Variants in DESI1 observed in about 807,000 individuals in gnomAD.
The protein encoded by DESI1 is PPPDE peptidase domain containing 2.
A neutral mutation model predicts 22.4 loss-of-function variants in DESI1; 17 were observed. That is an observed-to-expected ratio of 0.76 (90% CI 0.52 to 1.14). DESI1 has a LOEUF of 1.14. Among genes scored for constraint, DESI1 ranks in the 50% most tolerant of loss-of-function variants. The pLI is 0.00. For missense variants in DESI1, 177 were observed against 208.9 expected, an observed-to-expected ratio of 0.85 and a Z score of 0.94; for synonymous variants, 92 against 84.2, an observed-to-expected ratio of 1.09 and a Z score of -0.51.
chr22:41,604,211 T>C (rs1270644193), intron 3 of DESI1, 58 bp from the exon 4 acceptor site: 8 of 1,478,884 alleles, frequency 5.4e-6, no homozygotes, highest in Non-Finnish European at 7.5e-6. Flanking sequence ...AATGTTTTAA[T>C]GTGGCTTCCC....
At chr22:41,615,051 C>A (rs2067542092) in intron 1 of DESI1, among the ~76,000 whole-genome samples, 1 of 151,688 alleles carries the variant, frequency 6.6e-6, no homozygotes, top group Non-Finnish European at 1.5e-5. Flanking sequence ...GTAATCCCAG[C>A]ACTTTTGGAG....
chr22:41,613,686 C>G (rs1158850460), intron 1 of DESI1, among the ~76,000 whole-genome samples: 1 of 152,234 alleles, frequency 6.6e-6, no homozygotes, highest in Non-Finnish European at 1.5e-5. Context: ...TGCAATGACT[C>G]TGCCACCCTG....
Position 41,607,256 on chromosome 22 carries a change from A to G in DESI1, c.180+6T>C. 1 of 1,607,320 alleles carries G rather than the reference A, an allele frequency of 6.2e-7. No individual in the cohort carries two copies. On this transcript the variant is annotated splice_donor_region_variant and intron_variant, in intron 3 of 5. Transcript: ENST00000263256. Reference sequence around the variant, plus strand: ...TGCAGGACAGAGTGTAGGGGAAGACACTCACCGGGGGGCAGCTGGAGATAC... The same window carrying G: ...TGCAGGACAGAGTGTAGGGGAAGACGCTCACCGGGGGGCAGCTGGAGATAC...
At chr22:41,610,222 T>C (rs2067508708) in intron 1 of DESI1, among the ~76,000 whole-genome samples, 1 of 148,666 alleles carries the variant, frequency 6.7e-6, no homozygotes, top group Non-Finnish European at 1.5e-5. Flanking sequence ...CTACTAAAAA[T>C]ACAAAAATTA....
chr22:41,600,874 C>A lies in DESI1; in HGVS notation c.*223G>T, dbSNP rs954286713. On this transcript the variant is annotated 3_prime_UTR_variant, in exon 6 of 6. Transcript: ENST00000263256. ...CGAAGTGAACGCACAGACAAGACAGCCTTAATAAATTAGTATAATACTATT... is the reference window on the plus strand; with the variant it reads ...CGAAGTGAACGCACAGACAAGACAGACTTAATAAATTAGTATAATACTATT... 4.3e-5 allele frequency: 22 copies of A among 515,286 alleles called. No homozygotes were observed. Among genetic ancestry groups the A allele is most frequent in the African/African-American group, 3.9e-4 (20 of 51,278 alleles). The allele number at this position is 515,286 out of a possible 1,614,324, so 31.9% of individuals were successfully genotyped here. A position where few individuals can be genotyped will look rare whatever the true frequency, so the allele number is the denominator to read the frequency against.
chr22:41,603,256 T>G lies in DESI1; in HGVS notation c.413+3A>C. On this transcript the variant is annotated splice_donor_region_variant and intron_variant, in intron 5 of 5. Coordinates refer to ENST00000263256, the MANE Select transcript of DESI1 (RefSeq NM_015704.3). ...CAGGGGCAGGGACAGAGGCCACACT[T>G]ACGTGGAGAGAACTTCAGAGGGCAG... 6.2e-7 allele frequency: 1 copy of G among 1,614,118 alleles called. No homozygotes were observed. The highest frequency in any genetic ancestry group is 8.5e-7 in the Non-Finnish European group (1 of 1,179,984).
rs756720545 is a variant in DESI1, at chr22:41,601,080, G to A, written c.*17C>T. On this transcript the variant is annotated 3_prime_UTR_variant, in exon 6 of 6. Coordinates refer to ENST00000263256, the MANE Select transcript of DESI1 (RefSeq NM_015704.3). ...AGGAAAAGCCCTGGTGAGGCAGGGCGGTCCCAGGCAGTCCTGTTAGCTCTG... is the reference window on the plus strand; with the variant it reads ...AGGAAAAGCCCTGGTGAGGCAGGGCAGTCCCAGGCAGTCCTGTTAGCTCTG... 12 of 1,605,378 alleles carry A rather than the reference G, an allele frequency of 7.5e-6. No homozygotes were observed. Among genetic ancestry groups the A allele is most frequent in the Admixed American group, 5.0e-5 (3 of 59,706 alleles).
rs775564289 is a variant in DESI1 at position 41,620,802 on chromosome 22, A to C, written c.38T>G (p.Val13Gly). The C allele has an allele frequency of 1.2e-6, 2 of 1,612,630 alleles. No individual in the cohort carries two copies. Among genetic ancestry groups the C allele is most frequent in the East Asian group, 4.5e-5 (2 of 44,820 alleles). ...PPNLYPVKLY[V>G]YDLSKGLARR... is the part of the protein sequence containing the mutation. ...GGCCAGGCCTTTGGACAGGTCGTAC[A>C]CGTAGAGCTTCACCGGATAGAGATT... Residue 13 changes from valine (V) to glycine (G), a missense_variant, in exon 1 of 6, where the codon GTG becomes GGG. By Grantham distance (109) the Val-to-Gly change is moderately radical (BLOSUM62 -3). Transcript: ENST00000263256.
intron 4 of DESI1, 44 bp from the exon 5 acceptor site, chr22:41,603,425 A>G (rs1293014465): frequency 5.0e-6 from 8 of 1,613,330 alleles, no homozygotes; most frequent in African/African-American, 2.7e-5. Flanking sequence ...GAAACCAGCA[A>G]GCGTCTATGT....
rs373295326 is a variant in DESI1, at chr22:41,604,031, T to C, written c.290+13A>G. Reference sequence around the variant, plus strand: ...GACAGACACAACTAACCACCACCCCTGTCTCCACTCACCGGAACAGGGACT... The same window carrying C: ...GACAGACACAACTAACCACCACCCCCGTCTCCACTCACCGGAACAGGGACT... On this transcript the variant is annotated intron_variant, in intron 4 of 5. Coordinates refer to ENST00000263256, the MANE Select transcript of DESI1 (RefSeq NM_015704.3). 1 of 1,610,398 alleles carries C rather than the reference T, an allele frequency of 6.2e-7. No individual in the cohort carries two copies. Among genetic ancestry groups the C allele is most frequent in the Non-Finnish European group, 8.5e-7 (1 of 1,177,942 alleles).
At chr22:41,615,069 C>T (rs1478708817) in intron 1 of DESI1, among the ~76,000 whole-genome samples, 5 of 151,068 alleles carry the variant, frequency 3.3e-5, no homozygotes, top group African/African-American at 4.9e-5. Flanking sequence ...GAGGCTGAGG[C>T]GGGCGGATCA....
intron 1 of DESI1, among the ~76,000 whole-genome samples, chr22:41,615,272 TAAAA>T (rs58574960): frequency 9.2e-5 from 10 of 108,518 alleles, no homozygotes; most frequent in South Asian, 3.0e-4. Flanking sequence ...TACTAAAAAT[TAAAA>T]AAAAAAAAAA....
chr22:41,603,197 G>T, intron 5 of DESI1, 62 bp downstream of exon 5: 2 of 1,611,016 alleles, frequency 1.2e-6, no homozygotes, highest in South Asian at 2.2e-5. Flanking sequence ...GAAGGGCACT[G>T]ACCGTGAATG....
At chr22:41,604,299 G>T in intron 3 of DESI1, 146 bp from the exon 4 acceptor site, 1 of 650,908 alleles carries the variant, frequency 1.5e-6, no homozygotes, top group Non-Finnish European at 2.4e-6. Context: ...CGTCACCCAG[G>T]CTGGAGTATA....
intron 1 of DESI1, among the ~76,000 whole-genome samples, chr22:41,615,584 T>C (rs935608245): frequency 2.0e-5 from 3 of 152,154 alleles, no homozygotes; most frequent in Admixed American, 6.5e-5. Flanking sequence ...CAAAGCACAA[T>C]AGATGGCATT....
Position 41,600,659 on chromosome 22 carries a change from T to C in DESI1, c.*438A>G, listed in dbSNP as rs2067444707. ...CCAAATCCTTTGGTTCATTTAACAC[T>C]AGAGTAACTTTCTGGGTCACGGATG... On this transcript the variant is annotated 3_prime_UTR_variant, in exon 6 of 6. Coordinates refer to ENST00000263256, the MANE Select transcript of DESI1 (RefSeq NM_015704.3). 1 of 173,546 alleles carries C rather than the reference T, an allele frequency of 5.8e-6. No homozygotes were observed. The highest frequency in any genetic ancestry group is 1.1e-4 in the South Asian group (1 of 9,070). 10.8% of individuals were successfully genotyped at this position (173,546 alleles called of 1,614,324 possible). A position where few individuals can be genotyped will look rare whatever the true frequency, so the allele number is the denominator to read the frequency against.
rs1468339178 is a variant in DESI1, at chr22:41,601,209, A to G, written c.414-19T>C. The G allele has an allele frequency of 8.1e-6, 13 of 1,595,674 alleles. No individual in the cohort carries two copies. The highest frequency in any genetic ancestry group is 5.2e-5 in the Admixed American group (3 of 57,916). ...AAAGGGCCTGCAAGGAAACAGAGAC[A>G]TGAGAGGGGTGGGCTCTGGGATGTG... On this transcript the variant is annotated intron_variant, in intron 5 of 5. Coordinates refer to ENST00000263256, the MANE Select transcript of DESI1 (RefSeq NM_015704.3).
intron 1 of DESI1, among the ~76,000 whole-genome samples, chr22:41,612,144 G>A (rs1243935573): frequency 1.3e-5 from 2 of 152,128 alleles, no homozygotes; most frequent in Non-Finnish European, 1.5e-5. Flanking sequence ...GGAGGGGACA[G>A]TCAATAATAA....
chr22:41,616,776 C>T (rs766363385), intron 1 of DESI1, among the ~76,000 whole-genome samples: 13 of 152,184 alleles, frequency 8.5e-5, no homozygotes, highest in Non-Finnish European at 1.8e-4. Flanking sequence ...AGCTATAGAA[C>T]AGTAATGCCT....
Sources: gnomAD v4.1 joint callset for allele counts (sites outside exome capture counted in the v4.1 genomes callset) on GRCh38, gnomAD v4.1.1 for gene constraint, MANE v1.5 for transcripts, NCBI Gene and HGNC (gene_info 2026-07-23, HGNC 2026-07-21) for gene names.